Variants in CCDC3 observed in about 807,000 individuals in gnomAD.
CCDC3 encodes coiled-coil domain containing 3.
A neutral mutation model predicts 21.4 loss-of-function variants in CCDC3; 24 were observed. The ratio of observed to expected loss-of-function variants is 1.12; its 90% CI spans 0.81 to 1.58. CCDC3 has a LOEUF of 1.58. CCDC3 is among the 40% of genes most tolerant of loss of function. CCDC3 has a pLI of 0.00. For missense variants in CCDC3, 425 were observed against 360.9 expected (o/e 1.18, Z -1.44); for synonymous variants, 186 against 166.0 (o/e 1.12, Z -0.93).
At chr10:12,940,081 G>GT (rs913376715) in intron 2 of CCDC3, among the ~76,000 whole-genome samples, 40 of 151,742 alleles carry the variant, frequency 2.6e-4, no homozygotes, top group South Asian at 1.5e-3. Flanking sequence ...AAAACATACT[G>GT]TTTTTTTTCT....
At chr10:13,027,061 C>A (rs1836227776) in intron 5 of CCDC3, among the ~76,000 whole-genome samples, 1 of 152,188 alleles carries the variant, frequency 6.6e-6, no homozygotes, top group Admixed American at 6.5e-5. Flanking sequence ...AATCTTGGTA[C>A]TTTGTAAAGG....
At chr10:13,074,437 C>A (rs540293167) in intron 3 of CCDC3, among the ~76,000 whole-genome samples, 1 of 146,984 alleles carries the variant, frequency 6.8e-6, no homozygotes, top group Admixed American at 7.0e-5. Flanking sequence ...CCGCCCACCT[C>A]GACCTCCCAA....
exon 5 of CCDC3, chr10:13,049,777 T>G (rs946294961): frequency 6.6e-6 from 1 of 152,130 alleles, no homozygotes; most frequent in Non-Finnish European, 1.5e-5. Context: ...GACAACACCA[T>G]CGACACCTCA....
At chr10:12,921,519 TATC>T (rs988420146) in intron 2 of CCDC3, among the ~76,000 whole-genome samples, 3 of 152,218 alleles carry the variant, frequency 2.0e-5, no homozygotes, top group Non-Finnish European at 4.4e-5. Context: ...AGCCAGGCCT[TATC>T]TTTTTCAACT....
intron 4 of CCDC3, among the ~76,000 whole-genome samples, chr10:13,050,595 G>A (rs1355319801): frequency 2.0e-5 from 3 of 150,576 alleles, no homozygotes; most frequent in African/African-American, 7.3e-5. Flanking sequence ...TGAGTAGCTA[G>A]GATTAGAGGA....
chr10:12,909,488 C>T (rs534184397), intron 2 of CCDC3, among the ~76,000 whole-genome samples: 1 of 152,336 alleles, frequency 6.6e-6, no homozygotes, highest in East Asian at 1.9e-4. Context: ...GTGAGGTGCA[C>T]TGTGTCCCCC....
chr10:13,026,105 C>T (rs1360253290), intron 5 of CCDC3, among the ~76,000 whole-genome samples: 3 of 151,500 alleles, frequency 2.0e-5, no homozygotes, highest in Non-Finnish European at 4.4e-5. Context: ...TGCTTGAACC[C>T]GAGAGGCAGA....
intron 2 of CCDC3, among the ~76,000 whole-genome samples, chr10:12,925,837 C>T (rs1834528630): frequency 6.6e-6 from 1 of 152,266 alleles, no homozygotes; most frequent in African/African-American, 2.4e-5. Context: ...ATACCCAGGG[C>T]TGAACCCTGT....
intron 2 of CCDC3, among the ~76,000 whole-genome samples, chr10:12,995,030 C>A (rs1187418340): frequency 6.6e-6 from 1 of 150,588 alleles, no homozygotes; most frequent in Admixed American, 6.6e-5. Context: ...TGCAGTGAGC[C>A]GAGATCATGC....
chr10:13,026,412 A>C, intron 5 of CCDC3, among the ~76,000 whole-genome samples: 1 of 152,206 alleles, frequency 6.6e-6, no homozygotes, highest in Admixed American at 6.5e-5. Flanking sequence ...GTCTTTACAT[A>C]GAACATTTTG....
At chr10:12,905,937 C>G (rs902737474) in intron 2 of CCDC3, among the ~76,000 whole-genome samples, 1 of 152,206 alleles carries the variant, frequency 6.6e-6, no homozygotes, top group Non-Finnish European at 1.5e-5. Flanking sequence ...CTTCATTATC[C>G]ACATGATTCA....
At chr10:13,000,997 A>T (rs1160738529) in intron 1 of CCDC3, among the ~76,000 whole-genome samples, 200 bp downstream of exon 1, 1 of 152,176 alleles carries the variant, frequency 6.6e-6, no homozygotes, top group African/African-American at 2.4e-5. Flanking sequence ...AACCGCCTTA[A>T]CCAGGGGTAG....
intron 2 of CCDC3, among the ~76,000 whole-genome samples, chr10:12,982,245 T>C (rs1835509899): frequency 6.7e-6 from 1 of 148,370 alleles, no homozygotes; most frequent in African/African-American, 2.5e-5. Context: ...GAGCCAGTCA[T>C]AGAAAGACAC....
rs71924811 is a variant in CCDC3, at chr10:12,951,804, C to CAAAAAAAAAAAAAAAAAA, written c.549+46516_549+46533dup. On this transcript the variant is annotated intron_variant, in intron 2 of 2. Transcript: ENST00000378825. ...TGGACAACAGAGTGAGACTTCATCT[C>CAAAAAAAAAAAAAAAAAA]AAAAAAAAAAAAAAAAAAAAAAAGT... Among the ~76,000 whole-genome samples the CAAAAAAAAAAAAAAAAAA allele has an allele frequency of 8.8e-4, 53 of 60,492 alleles. 6 individuals carry two copies. Among genetic ancestry groups the CAAAAAAAAAAAAAAAAAA allele is most frequent in the African/African-American group, 4.1e-3 (52 of 12,770 alleles). The allele number at this position is 60,492 out of a possible 152,430, so 39.7% of individuals were successfully genotyped here.
Position 13,075,150 on chromosome 10 carries a change from T to C in CCDC3, c.-502-1050A>G, listed in dbSNP as rs144031510. Among the ~76,000 whole-genome samples the C allele has an allele frequency of 8.2e-3, 1,247 of 152,312 alleles. 15 individuals are homozygous for C. Among genetic ancestry groups the C allele is most frequent in the African/African-American group, 0.028 (1,175 of 41,562 alleles). ...ACATCCCTTTATAACAAATCATCTC[T>C]CCAACTTCTTATCAATATCTCAGAA... On this transcript the variant is annotated intron_variant, in intron 3 of 6. Transcript: ENST00000378839.
chr10:12,917,176 TCTTC>T (rs1236972676), intron 2 of CCDC3, among the ~76,000 whole-genome samples: 49 of 113,478 alleles, frequency 4.3e-4, no homozygotes, highest in Admixed American at 9.0e-4. Flanking sequence ...CCTTATTTCT[TCTTC>T]TTTTTTTTTT....
intron 2 of CCDC3, among the ~76,000 whole-genome samples, chr10:12,982,587 A>G (rs1835516899): frequency 6.6e-6 from 1 of 151,694 alleles, no homozygotes; most frequent in South Asian, 2.1e-4. Context: ...TGAGGTTAGG[A>G]GTTCAAGACC....
intron 1 of CCDC3, among the ~76,000 whole-genome samples, chr10:12,999,174 AG>A (rs1371180565): frequency 6.6e-6 from 1 of 152,200 alleles, no homozygotes; most frequent in African/African-American, 2.4e-5. Flanking sequence ...TAGGAGGCGG[AG>A]GATGCAGTGA....
chr10:12,998,067 C>T lies in CCDC3; in HGVS notation c.549+271G>A, dbSNP rs576557450. The stretch of plus-strand genomic sequence containing the variant: ...TGTTCTGTAGAAGAGGAAACTGAGG[C>T]TCAGCATGCCAATCTTCATCTCATC... On this transcript the variant is annotated intron_variant, in intron 2 of 2. Coordinates refer to ENST00000378825, the MANE Select transcript of CCDC3 (RefSeq NM_031455.4). 3.3e-5 allele frequency among the ~76,000 whole-genome samples: 5 copies of T among 152,316 alleles called. No individual in the cohort carries two copies. In the South Asian group the frequency reaches 1.0e-3, roughly 32 times the overall value.
Sources: gnomAD v4.1 joint callset for allele counts (sites outside exome capture counted in the v4.1 genomes callset) on GRCh38, gnomAD v4.1.1 for gene constraint, MANE v1.5 for transcripts, NCBI Gene and HGNC (gene_info 2026-07-23, HGNC 2026-07-21) for gene names.